Variants in DIAPH3 observed in about 807,000 individuals in gnomAD.
The protein encoded by DIAPH3 is diaphanous related formin 3.
Under a neutral mutation model 144.3 loss-of-function variants are expected in DIAPH3, and 117 were observed. The observed-to-expected ratio is 0.81, with a 90% CI of 0.70 to 0.95. The LOEUF (loss-of-function observed/expected upper bound fraction) is 0.95. Among genes scored for constraint, DIAPH3 ranks in the 40% least tolerant of loss-of-function variants. DIAPH3 has a pLI of 0.00. For synonymous variants in DIAPH3, 519 were observed against 488.9 expected (o/e 1.06, Z -0.81); for missense variants, 1,421 against 1,412.7 (o/e 1.01, Z -0.09).
chr13:59,681,108 G>A (rs556898644), intron 27 of DIAPH3, among the ~76,000 whole-genome samples: 1 of 152,184 alleles, frequency 6.6e-6, no homozygotes, highest in Admixed American at 6.5e-5. Flanking sequence ...TATTATAATG[G>A]GAGGTGTTAC....
At chr13:60,125,394 A>ATTTTTTTTTTTTTTTTTTTTTTTTTT (rs56267083) in intron 2 of DIAPH3, among the ~76,000 whole-genome samples, 18 of 97,864 alleles carry the variant, frequency 1.8e-4, no homozygotes, top group Non-Finnish European at 2.7e-4. Flanking sequence ...CACCCAGCTA[A>ATTTTTTTTTTTTTTTTTTTTTTTTTT]TTTTTTTTTT....
intron 22 of DIAPH3, among the ~76,000 whole-genome samples, chr13:59,848,405 C>T (rs1375858887): frequency 1.3e-4 from 20 of 148,914 alleles, no homozygotes; most frequent in South Asian, 2.1e-4. Context: ...CATGCTGGTG[C>T]GCTGCACCCA....
intron 25 of DIAPH3, among the ~76,000 whole-genome samples, chr13:59,799,393 A>G (rs1202312891): frequency 6.6e-6 from 1 of 151,612 alleles, no homozygotes; most frequent in African/African-American, 2.4e-5. Context: ...ACACACACAC[A>G]CACACACACA....
At chr13:59,671,399 A>G (rs1234501085) in intron 27 of DIAPH3, among the ~76,000 whole-genome samples, 1 of 152,224 alleles carries the variant, frequency 6.6e-6, no homozygotes, top group Non-Finnish European at 1.5e-5. Flanking sequence ...CACCATACAC[A>G]CTTTTAAATG....
chr13:59,974,528 G>A (rs2050563500), intron 14 of DIAPH3, 72 bp from the exon 15 acceptor site: 8 of 1,272,652 alleles, frequency 6.3e-6, no homozygotes, highest in Admixed American at 1.8e-5. Flanking sequence ...TTATAGAAAT[G>A]TGACTCGAAT....
chr13:60,031,414 C>T (rs2054784355), intron 5 of DIAPH3, among the ~76,000 whole-genome samples: 1 of 152,146 alleles, frequency 6.6e-6, no homozygotes, highest in Admixed American at 6.6e-5. Flanking sequence ...CAATCTGTAT[C>T]AGTCTGCCCC....
chr13:60,111,997 T>C lies in DIAPH3; in HGVS notation c.390+13A>G. ...TTTTCCTCAAACATTTCCTAAAGAA[T>C]CAAAATTCTTACCATCATTTTTTCA... On this transcript the variant is annotated intron_variant, in intron 3 of 27. Coordinates refer to ENST00000400324, the MANE Select transcript of DIAPH3 (RefSeq NM_001042517.2). The C allele has an allele frequency of 1.2e-6, 2 of 1,613,616 alleles. No individual in the cohort carries two copies. The highest frequency in any genetic ancestry group is 1.7e-6 in the Non-Finnish European group (2 of 1,179,658).
At chr13:59,843,500 A>G (rs1036382468) in intron 22 of DIAPH3, among the ~76,000 whole-genome samples, 18 of 152,178 alleles carry the variant, frequency 1.2e-4, no homozygotes, top group African/African-American at 3.4e-4. Flanking sequence ...TTATGATTGG[A>G]AGCAATTTCT....
chr13:59,828,996 T>C (rs1211869495), intron 24 of DIAPH3, among the ~76,000 whole-genome samples: 3 of 152,080 alleles, frequency 2.0e-5, no homozygotes, highest in East Asian at 3.9e-4. Flanking sequence ...TTCCCCCTTG[T>C]TCTACATGGC....
At position 60,040,845 on chromosome 13, in the gene DIAPH3, G is replaced by A. The variant is rs76311284; in HGVS notation, c.626+1845C>T. On this transcript the variant is annotated intron_variant, in intron 5 of 27. Transcript: ENST00000400324. ...CAGGTGCTCAATAATTTTTTTTTTCGCTCTCGCACTCAAGCTGGAATGCAG... is the reference window on the plus strand; with the variant it reads ...CAGGTGCTCAATAATTTTTTTTTTCACTCTCGCACTCAAGCTGGAATGCAG... Among the ~76,000 whole-genome samples the A allele has an allele frequency of 5.0e-3, 746 of 150,658 alleles. 2 individuals carry two copies. Among genetic ancestry groups the A allele is most frequent in the African/African-American group, 0.017 (680 of 41,122 alleles).
intron 4 of DIAPH3, among the ~76,000 whole-genome samples, chr13:60,074,695 T>G (rs1171587184): frequency 3.3e-5 from 5 of 152,318 alleles, no homozygotes; most frequent in African/African-American, 1.2e-4. Context: ...TGGGCAGATA[T>G]GCACAGACAC....
chr13:60,013,499 C>G (rs2053420777), intron 7 of DIAPH3: 1 of 152,152 alleles, frequency 6.6e-6, no homozygotes, highest in Non-Finnish European at 1.5e-5. Flanking sequence ...AGTCTCTGTT[C>G]TAATTACCTT....
Position 59,729,912 on chromosome 13 carries a change from A to G in DIAPH3, c.3319+44277T>C, listed in dbSNP as rs572011172. Among the ~76,000 whole-genome samples, 22 of 149,240 alleles carry G rather than the reference A, an allele frequency of 1.5e-4. No individual in the cohort carries two copies. The South Asian group carries it at 3.8e-3, about 26-fold the overall frequency. Reference sequence around the variant, plus strand: ...CTGTAGCCTTGACTTCCTGGGCTCAAGTGATCTTTCCACTTCAGCAAATTG... The same window carrying G: ...CTGTAGCCTTGACTTCCTGGGCTCAGGTGATCTTTCCACTTCAGCAAATTG... On this transcript the variant is annotated intron_variant, in intron 27 of 27. Coordinates refer to ENST00000400324, the MANE Select transcript of DIAPH3 (RefSeq NM_001042517.2).
chr13:60,126,203 A>T, intron 2 of DIAPH3, among the ~76,000 whole-genome samples: 1 of 152,306 alleles, frequency 6.6e-6, no homozygotes, highest in Non-Finnish European at 1.5e-5. Flanking sequence ...AATTTAAGGC[A>T]AAAAGGAAAA....
intron 2 of DIAPH3, among the ~76,000 whole-genome samples, chr13:60,131,464 A>G (rs1213157927): frequency 6.6e-6 from 1 of 150,684 alleles, no homozygotes; most frequent in Non-Finnish European, 1.5e-5. Context: ...AAAAAAACAA[A>G]TGAAGTACTG....
intron 27 of DIAPH3, among the ~76,000 whole-genome samples, chr13:59,688,242 C>T (rs1035497723): frequency 6.6e-6 from 1 of 151,970 alleles, no homozygotes; most frequent in African/African-American, 2.4e-5. Context: ...GTTGGCCAAG[C>T]TAATCACTAG....
At chr13:59,679,548 A>C (rs1277914277) in intron 27 of DIAPH3, among the ~76,000 whole-genome samples, 2 of 152,224 alleles carry the variant, frequency 1.3e-5, no homozygotes, top group African/African-American at 2.4e-5. Flanking sequence ...GCAGAAAAGA[A>C]AGAAATTAGA....
intron 20 of DIAPH3, among the ~76,000 whole-genome samples, chr13:59,885,400 AT>A (rs2045370859): frequency 6.9e-6 from 1 of 144,588 alleles, no homozygotes. Context: ...TGAAATTTAT[AT>A]TAATGAAACT....
intron 22 of DIAPH3, among the ~76,000 whole-genome samples, chr13:59,855,744 A>G (rs1302895964): frequency 6.6e-6 from 1 of 152,014 alleles, no homozygotes; most frequent in African/African-American, 2.4e-5. Flanking sequence ...TGAAAAAAAA[A>G]AAGTAACATC....
Sources: gnomAD v4.1 joint callset for allele counts (sites outside exome capture counted in the v4.1 genomes callset) on GRCh38, gnomAD v4.1.1 for gene constraint, MANE v1.5 for transcripts, NCBI Gene and HGNC (gene_info 2026-07-23, HGNC 2026-07-21) for gene names.